CASD1: variants seen among roughly 807,000 people sequenced by gnomAD.
CASD1 encodes the protein N-acetylneuraminate (7)9-O-acetyltransferase.
A neutral mutation model predicts 100.0 loss-of-function variants in CASD1; 41 were observed. The ratio of observed to expected loss-of-function variants is 0.41; its 90% CI spans 0.32 to 0.53. The LOEUF is 0.53. Among genes scored for constraint, CASD1 ranks in the 20% least tolerant of loss-of-function variants. The probability of loss-of-function intolerance (pLI) is 0.25; values close to 1 mark genes in which losing one functional copy is unlikely to be tolerated. For missense variants in CASD1, 774 were observed against 948.7 expected, an observed-to-expected ratio of 0.82 and a Z score of 2.42; for synonymous variants, 321 against 315.6, an observed-to-expected ratio of 1.02 and a Z score of -0.18.
At chr7:94,600,755 T>C in the CASD1 span, 1 of 1,613,854 alleles carries the variant, frequency 6.2e-7, no homozygotes, top group Admixed American at 1.7e-5. Flanking sequence ...TAGTCTCTGC[T>C]TTTCAAAGAA....
At chr7:94,571,457 T>G in the CASD1 span, among the ~76,000 whole-genome samples, 1 of 152,156 alleles carries the variant, frequency 6.6e-6, no homozygotes, top group Non-Finnish European at 1.5e-5. Context: ...AGGAGCTTGA[T>G]CCAGAAAACC....
intron 7 of CASD1, among the ~76,000 whole-genome samples, chr7:94,534,310 G>T (rs748262399): frequency 7.9e-5 from 12 of 151,812 alleles, no homozygotes; most frequent in Non-Finnish European, 1.6e-4. Flanking sequence ...GGGACTACAG[G>T]TGTGCACCAC....
intron 3 of CASD1, among the ~76,000 whole-genome samples, chr7:94,525,799 A>G (rs548690921): frequency 3.9e-5 from 6 of 152,358 alleles, no homozygotes; most frequent in African/African-American, 1.4e-4. Context: ...ACAAGAATCT[A>G]AAAAGTTAAC....
intron 3 of CASD1, among the ~76,000 whole-genome samples, chr7:94,522,863 G>A (rs561777175): frequency 2.0e-5 from 3 of 151,960 alleles, no homozygotes; most frequent in Non-Finnish European, 4.4e-5. Flanking sequence ...GGGTTTCACC[G>A]TGTTAGCCAG....
At chr7:94,529,782 G>A (rs774694084) in intron 5 of CASD1, among the ~76,000 whole-genome samples, 12 of 152,146 alleles carry the variant, frequency 7.9e-5, no homozygotes, top group Non-Finnish European at 1.8e-4. Context: ...AAAGGATTAT[G>A]AAAGTACCAT....
chr7:94,529,745 G>A (rs1274636303), intron 5 of CASD1, among the ~76,000 whole-genome samples: 1 of 152,088 alleles, frequency 6.6e-6, no homozygotes, highest in Non-Finnish European at 1.5e-5. Flanking sequence ...GACATAAGAA[G>A]GCAAAGGCTA....
the CASD1 span, among the ~76,000 whole-genome samples, chr7:94,569,431 GA>G: frequency 5.3e-4 from 80 of 151,548 alleles, no homozygotes; most frequent in African/African-American, 1.6e-3. Flanking sequence ...ATTGCTAAGT[GA>G]AAAAAAAATT....
chr7:94,600,955 C>T, the CASD1 span: 1 of 1,011,990 alleles, frequency 9.9e-7, no homozygotes, highest in Non-Finnish European at 1.5e-6. Flanking sequence ...GACAAATTAT[C>T]TAAAAAGCCA....
At chr7:94,528,952 A>AT (rs1001135282) in intron 5 of CASD1, among the ~76,000 whole-genome samples, 15 of 151,492 alleles carry the variant, frequency 9.9e-5, no homozygotes, top group South Asian at 6.2e-4. Context: ...TTGGTTTGGG[A>AT]TTTTTTTTTC....
rs1404061672 is a variant in CASD1, at chr7:94,555,630, A to G, written c.2266A>G (p.Thr756Ala). ...VCVAHEISQI[T>A]NDLAQIIIPK... ...TGTGGCACATGAAATTTCTCAGATC[A>G]CTAATGATCTTGCACAGATTATTAT... Residue 756 changes from threonine (T) to alanine (A), a missense_variant, in exon 18 of 18, where the codon ACT becomes GCT. Transcript: ENST00000297273. 6.2e-7 allele frequency: 1 copy of G among 1,613,468 alleles called. No homozygotes were observed. The highest frequency in any genetic ancestry group is 8.5e-7 in the Non-Finnish European group (1 of 1,179,682).
At chr7:94,544,580 G>T (rs757503554) in intron 11 of CASD1, 50 bp downstream of exon 11, 2 of 1,572,594 alleles carry the variant, frequency 1.3e-6, no homozygotes, top group East Asian at 4.6e-5. Context: ...ATACTTTCTT[G>T]AGAAAGCATT....
At chr7:94,622,558 G>A in the CASD1 span, 2 of 151,986 alleles carry the variant, frequency 1.3e-5, no homozygotes, top group Admixed American at 1.3e-4. Context: ...GAACCCAGGA[G>A]GCGGAGGTTG....
At chr7:94,628,029 GAGA>G in the CASD1 span, 1 of 559,476 alleles carries the variant, frequency 1.8e-6, no homozygotes, top group Non-Finnish European at 3.2e-6. Flanking sequence ...TTTATAAACA[GAGA>G]AGAATGGCAC....
At chr7:94,607,125 C>T in the CASD1 span, among the ~76,000 whole-genome samples, 1 of 151,934 alleles carries the variant, frequency 6.6e-6, no homozygotes, top group Admixed American at 6.6e-5. Flanking sequence ...CTGCACAGGC[C>T]TATATGTAGT....
intron 7 of CASD1, among the ~76,000 whole-genome samples, chr7:94,534,200 T>A (rs1022774169): frequency 4.0e-4 from 58 of 144,306 alleles, no homozygotes; most frequent in Non-Finnish European, 5.6e-4. Flanking sequence ...AGGGTCTTGC[T>A]CTCTTTCCCA....
chr7:94,535,673 T>C lies in CASD1; in HGVS notation c.843+150T>C. 4 of 634,960 alleles carry C rather than the reference T, an allele frequency of 6.3e-6. No homozygotes were observed. In the South Asian group the frequency reaches 8.0e-5, roughly 13 times the overall value. 39.3% of individuals were successfully genotyped at this position (634,960 alleles called of 1,614,324 possible). On this transcript the variant is annotated intron_variant, in intron 8 of 17. Transcript: ENST00000297273. ...TGTATAAAGATACATCTAGAAATTA[T>C]TTTGCTTTCTATCATCTAGTTGAAT...
intron 1 of CASD1, 57 bp downstream of exon 1, chr7:94,510,274 G>C (rs1584363815): frequency 3.1e-6 from 4 of 1,274,664 alleles, no homozygotes; most frequent in Non-Finnish European, 4.1e-6. Context: ...CGACGCGGCG[G>C]CTGGAGGCCG....
At chr7:94,559,324 GTA>G (rs35592417), downstream of CASD1, among the ~76,000 whole-genome samples, 120 of 128,306 alleles carry the variant, frequency 9.4e-4, no homozygotes, top group Middle Eastern at 4.3e-3. Context: ...GTGTGTGTGT[GTA>G]TATATATATG....
At chr7:94,523,530 A>G (rs1278876162) in intron 3 of CASD1, among the ~76,000 whole-genome samples, 1 of 152,236 alleles carries the variant, frequency 6.6e-6, no homozygotes, top group Non-Finnish European at 1.5e-5. Context: ...GAAAAGCCAT[A>G]AAAATTTATT....
Sources: allele counts gnomAD v4.1 joint callset (sites outside exome capture counted in the v4.1 genomes callset), GRCh38; gene constraint gnomAD v4.1.1; transcripts MANE v1.5; gene names NCBI Gene and HGNC (gene_info 2026-07-23, HGNC 2026-07-21).